The following RELL1 variants were observed in gnomAD, a reference collection of about 807,000 sequenced individuals.
RELL1 encodes RELT-like protein 1.
A neutral mutation model predicts 23.0 loss-of-function variants in RELL1; 10 were observed. The observed-to-expected ratio is 0.43, with a 90% CI of 0.27 to 0.74. The LOEUF is 0.74. Among genes scored for constraint, RELL1 ranks in the 30% least tolerant of loss-of-function variants. The pLI is 0.19. For missense variants in RELL1, 315 were observed against 364.4 expected (o/e 0.86, Z 1.10); for synonymous variants, 146 against 146.8 (o/e 0.99, Z 0.04).
chr4:37,659,414 A>G (rs1032586157), intron 1 of RELL1, among the ~76,000 whole-genome samples: 1 of 152,222 alleles, frequency 6.6e-6, no homozygotes, highest in Non-Finnish European at 1.5e-5. Context: ...TCCAAGTAAT[A>G]CTTGTATTTC....
chr4:37,600,487 T>C (rs935229306), intron 6 of RELL1, among the ~76,000 whole-genome samples: 1 of 152,150 alleles, frequency 6.6e-6, no homozygotes, highest in Non-Finnish European at 1.5e-5. Flanking sequence ...CAAAAATGCA[T>C]CTTGGGGGCA....
chr4:37,666,950 A>C (rs1721555461), intron 1 of RELL1, among the ~76,000 whole-genome samples: 1 of 152,214 alleles, frequency 6.6e-6, no homozygotes, highest in South Asian at 2.1e-4. Flanking sequence ...AAGGAAGGTG[A>C]GTAAATGTTG....
chr4:37,659,220 A>G (rs6531561), intron 1 of RELL1, among the ~76,000 whole-genome samples: 150,719 of 152,330 alleles, frequency 0.99, 74,585 homozygotes, highest in East Asian at 1. Context: ...TGGGCCCAGT[A>G]AGCTTTGGTA....
chr4:37,617,634 T>C (rs1330009338), intron 6 of RELL1, among the ~76,000 whole-genome samples: 1 of 152,000 alleles, frequency 6.6e-6, no homozygotes, highest in Non-Finnish European at 1.5e-5. Flanking sequence ...AATACAAAAA[T>C]TAGCTGGGCA....
chr4:37,675,678 A>G (rs1261339606), intron 1 of RELL1, among the ~76,000 whole-genome samples: 1 of 152,244 alleles, frequency 6.6e-6, no homozygotes, highest in Non-Finnish European at 1.5e-5. Flanking sequence ...GGCAGTGAGA[A>G]TACCTAGGAA....
At chr4:37,617,744 C>G (rs914045500) in intron 6 of RELL1, among the ~76,000 whole-genome samples, 2 of 152,220 alleles carry the variant, frequency 1.3e-5, no homozygotes, top group Admixed American at 6.5e-5. Flanking sequence ...GATTGCACCA[C>G]TGTACTCCAG....
chr4:37,642,402 G>A (rs1720560080), intron 3 of RELL1, among the ~76,000 whole-genome samples: 1 of 152,156 alleles, frequency 6.6e-6, no homozygotes, highest in Admixed American at 6.5e-5. Context: ...TACAATGCAA[G>A]AAAACTCCAG....
chr4:37,611,875 T>C lies in RELL1; in HGVS notation c.*1471A>G, dbSNP rs528141332. On this transcript the variant is annotated 3_prime_UTR_variant, in exon 7 of 7. Transcript: ENST00000454158. The stretch of plus-strand genomic sequence containing the variant: ...CAGAGGTAGGTGCAGGCCCATCTTA[T>C]ATGAGAAGCAGGGTTCTAGGCCGGG... Among the ~76,000 whole-genome samples, 3 of 152,228 alleles carry C rather than the reference T, an allele frequency of 2.0e-5. No homozygotes were observed. The highest frequency in any genetic ancestry group is 4.8e-5 in the African/African-American group (2 of 41,556).
At chr4:37,590,605 C>A (rs746986023), downstream of RELL1, 1 of 1,614,156 alleles carries the variant, frequency 6.2e-7, no homozygotes, top group Non-Finnish European at 8.5e-7. Context: ...CTTCCAGATA[C>A]CAGCCCCAGA....
At chr4:37,615,134 G>T (rs907039959) in intron 6 of RELL1, among the ~76,000 whole-genome samples, 1 of 152,182 alleles carries the variant, frequency 6.6e-6, no homozygotes, top group Non-Finnish European at 1.5e-5. Flanking sequence ...AGTATGCTCC[G>T]AAAGGTTAAC....
intron 6 of RELL1, chr4:37,622,958 C>T: frequency 5.2e-6 from 2 of 381,896 alleles, no homozygotes; most frequent in South Asian, 2.0e-5. Context: ...GTGCCCGCCA[C>T]CATGCCTACC....
downstream of RELL1, among the ~76,000 whole-genome samples, chr4:37,607,995 A>T (rs1008355547): frequency 5.3e-5 from 8 of 152,188 alleles, no homozygotes; most frequent in African/African-American, 1.9e-4. Context: ...TATATCTATT[A>T]TAGTGATCCG....
intron 1 of RELL1, among the ~76,000 whole-genome samples, chr4:37,676,367 G>C (rs1017834008): frequency 1.3e-5 from 2 of 152,040 alleles, no homozygotes; most frequent in African/African-American, 4.8e-5. Flanking sequence ...CGAAACAATT[G>C]GTTTTGAATA....
intron 6 of RELL1, among the ~76,000 whole-genome samples, chr4:37,604,555 C>T (rs902101747): frequency 6.6e-6 from 1 of 150,816 alleles, no homozygotes; most frequent in Admixed American, 6.6e-5. Context: ...CTATGAGGTA[C>T]CACACAGAGT....
chr4:37,662,080 A>G (rs2109298762), intron 1 of RELL1, among the ~76,000 whole-genome samples: 1 of 152,254 alleles, frequency 6.6e-6, no homozygotes, highest in African/African-American at 2.4e-5. Context: ...AAATGCTACC[A>G]TGAGTCATGA....
At chr4:37,678,170 G>A (rs112308424) in intron 1 of RELL1, among the ~76,000 whole-genome samples, 1 of 152,032 alleles carries the variant, frequency 6.6e-6, no homozygotes, top group Non-Finnish European at 1.5e-5. Flanking sequence ...GAGAGAGTTG[G>A]GGGGGAGGTA....
intron 1 of RELL1, among the ~76,000 whole-genome samples, chr4:37,684,713 G>A (rs540213463): frequency 3.3e-5 from 5 of 152,140 alleles, no homozygotes; most frequent in Admixed American, 3.3e-4. Context: ...AGCACTTTGG[G>A]AGGCCGAGGC....
chr4:37,604,360 G>A (rs1026480461), intron 6 of RELL1, among the ~76,000 whole-genome samples: 3 of 118,976 alleles, frequency 2.5e-5, no homozygotes, highest in African/African-American at 3.4e-5. Context: ...ACTATAAATC[G>A]GGATTGGAGG....
rs57256942 is a variant in RELL1 at position 37,633,408 on chromosome 4, CAAAAAAAAAAAAAAAAAAAAAAAAAA to C, written c.680+1453_680+1478del. ...TGGGTGACAGAGTGAGACTCCACCT[CAAAAAAAAAAAAAAAAAAAAAAAAAA>C]AAAAAAAAAAAAGGCATGTTGAATC... On this transcript the variant is annotated intron_variant, in intron 5 of 6. Transcript: ENST00000454158. Among the ~76,000 whole-genome samples the C allele has an allele frequency of 1.6e-4, 10 of 62,984 alleles. 1 individual carries two copies. The highest frequency in any genetic ancestry group is 2.7e-4 in the Non-Finnish European group (7 of 25,774). The allele number at this position is 62,984 out of a possible 152,430, so 41.3% of individuals were successfully genotyped here.
Sources: allele counts gnomAD v4.1 joint callset (sites outside exome capture counted in the v4.1 genomes callset), GRCh38; gene constraint gnomAD v4.1.1; transcripts MANE v1.5; gene names NCBI Gene and HGNC (gene_info 2026-07-23, HGNC 2026-07-21).